C5: variants seen among roughly 807,000 people sequenced by gnomAD.
The protein encoded by C5 is C3 and PZP-like alpha-2-macroglobulin domain-containing protein 4.
In C5, 140 loss-of-function variants were observed where a neutral mutation model predicts 218.8. The ratio of observed to expected loss-of-function variants is 0.64; its 90% confidence interval spans 0.56 to 0.74. C5 has a LOEUF of 0.74. Among genes scored for constraint, C5 ranks in the 30% least tolerant of loss-of-function variants. C5 has a pLI of 0.00. For missense variants in C5, 1,700 were observed against 1,969.6 expected, an observed-to-expected ratio of 0.86 and a Z score of 2.59; for synonymous variants, 614 against 682.3, an observed-to-expected ratio of 0.90 and a Z score of 1.56.
intron 5 of C5, among the ~76,000 whole-genome samples, chr9:121,032,516 T>C (rs1159839886): frequency 2.0e-5 from 3 of 152,234 alleles, no homozygotes; most frequent in Admixed American, 2.0e-4. Flanking sequence ...AGCCTAATTA[T>C]GCTAACATAA....
chr9:120,989,004 T>TTAACTAAAGAATAA, intron 25 of C5, 42 bp downstream of exon 25: 2 of 1,359,630 alleles, frequency 1.5e-6, no homozygotes, highest in Non-Finnish European at 2.1e-6. Context: ...CTTTAGTTAA[T>TTAACTAAAGAATAA]TAACCACTAT....
chr9:120,990,650 G>A (rs971540611), intron 23 of C5, among the ~76,000 whole-genome samples: 8 of 152,190 alleles, frequency 5.3e-5, no homozygotes, highest in African/African-American at 1.9e-4. Flanking sequence ...TGGAAACAGA[G>A]AGCAGCCCTT....
intron 6 of C5, among the ~76,000 whole-genome samples, chr9:121,030,749 T>C (rs1161109409): frequency 6.6e-6 from 1 of 152,246 alleles, no homozygotes; most frequent in African/African-American, 2.4e-5. Context: ...CAATAGGTTA[T>C]TTCTTCCATT....
chr9:121,074,151 T>C, the C5 span, among the ~76,000 whole-genome samples: 7 of 152,112 alleles, frequency 4.6e-5, no homozygotes, highest in Non-Finnish European at 1.0e-4. Flanking sequence ...CAGCCTCTGA[T>C]GGTAACATGG....
At chr9:120,969,241 G>C in intron 32 of C5, 123 bp from the exon 33 acceptor site, 1 of 815,056 alleles carries the variant, frequency 1.2e-6, no homozygotes. Context: ...AAAATGATTT[G>C]TGATTTGGAA....
chr9:121,000,640 A>G (rs2047153659), intron 20 of C5, among the ~76,000 whole-genome samples: 1 of 152,236 alleles, frequency 6.6e-6, no homozygotes, highest in African/African-American at 2.4e-5. Context: ...ACAAAAAACT[A>G]TAAAAGTACT....
intron 5 of C5, among the ~76,000 whole-genome samples, chr9:121,032,859 G>A (rs2047488286): frequency 6.6e-6 from 1 of 152,106 alleles, no homozygotes; most frequent in Non-Finnish European, 1.5e-5. Flanking sequence ...AAATTAGTCT[G>A]GTGTGGTGGT....
At chr9:121,016,470 A>G (rs1441960655) in intron 14 of C5, 87 bp from the exon 15 acceptor site, 2 of 1,520,700 alleles carry the variant, frequency 1.3e-6, no homozygotes, top group African/African-American at 2.7e-5. Context: ...TTACATGGTT[A>G]TCACAAACCA....
intron 33 of C5, among the ~76,000 whole-genome samples, chr9:120,967,579 T>C (rs979326730): frequency 6.6e-6 from 1 of 152,002 alleles, no homozygotes; most frequent in Admixed American, 6.6e-5. Flanking sequence ...TAGAACACAA[T>C]AGAAAGGACT....
chr9:120,963,551 A>C (rs2046843444), intron 34 of C5, 85 bp downstream of exon 34: 1 of 1,040,206 alleles, frequency 9.6e-7, no homozygotes, highest in Non-Finnish European at 1.5e-6. Context: ...TGGTATATTC[A>C]AATGAAAGAA....
intron 39 of C5, among the ~76,000 whole-genome samples, chr9:120,956,286 G>A (rs1375744463): frequency 1.3e-5 from 2 of 151,308 alleles, no homozygotes; most frequent in Non-Finnish European, 2.9e-5. Context: ...AGAGTGAAAC[G>A]TCATTTCAAA....
chr9:120,956,520 C>G (rs1311918539), intron 39 of C5, among the ~76,000 whole-genome samples: 1 of 152,050 alleles, frequency 6.6e-6, no homozygotes, highest in Non-Finnish European at 1.5e-5. Flanking sequence ...AGATTTAATG[C>G]TATTCCTATC....
chr9:121,050,305 T>C, upstream of C5: 3 of 1,297,594 alleles, frequency 2.3e-6, no homozygotes, highest in Non-Finnish European at 3.4e-6. Context: ...TCCTTTTAAA[T>C]AAACTGAACT....
chr9:120,972,423 C>T (rs375661213), intron 30 of C5, among the ~76,000 whole-genome samples: 28 of 152,140 alleles, frequency 1.8e-4, no homozygotes, highest in African/African-American at 6.3e-4. Flanking sequence ...AACTTGAAAG[C>T]GGGTGCATCT....
At chr9:121,042,573 A>G (rs935516077) in intron 3 of C5, among the ~76,000 whole-genome samples, 22 of 152,312 alleles carry the variant, frequency 1.4e-4, no homozygotes, top group African/African-American at 5.1e-4. Flanking sequence ...TATATTTGCA[A>G]TTAAGTCTTA....
chr9:120,981,810 T>A, intron 27 of C5, 34 bp downstream of exon 27: 2 of 1,407,106 alleles, frequency 1.4e-6, no homozygotes, highest in Non-Finnish European at 2.0e-6. Context: ...CAGAAATAGA[T>A]GATGGGTGTG....
At position 120,953,755 on chromosome 9, in the gene C5, G is replaced by A. The variant is rs775519377; in HGVS notation, c.4876C>T (p.Gln1626Ter). 4 of 1,614,024 alleles carry A rather than the reference G, an allele frequency of 2.5e-6. No homozygotes were observed. Among genetic ancestry groups the A allele is most frequent in the South Asian group, 2.2e-5 (2 of 91,072 alleles). Reference sequence around the variant, plus strand: ...CTGAAACTGAAATTGTATTTTATCTGGAGGGCTTCTTTACCCATAATTAAG... The same window carrying A: ...CTGAAACTGAAATTGTATTTTATCTAGAGGGCTTCTTTACCCATAATTAAG... ...QYLIMGKEAL[Q>*]IKYNFSFRYI... Residue 1626 changes from glutamine (Q) to a stop codon, truncating the protein, a stop_gained, in exon 40 of 41, where the codon CAG becomes TAG. Transcript: ENST00000223642. LOFTEE classifies it high-confidence loss of function.
Position 121,030,423 on chromosome 9 carries a change from C to A in C5, c.732G>T (p.Lys244Asn), listed in dbSNP as rs1396273375. The change falls in exon 7 of 41, where the codon AAG becomes AAT. Residue 244 changes from lysine to asparagine, a missense_variant. By Grantham distance (94) the Lys-to-Asn change is moderately conservative. Coordinates refer to ENST00000223642, the MANE Select transcript of C5 (RefSeq NM_001735.3). ...TTGCTTTTATAGTAATTTCAAAATT[C>A]TTAAAGTTCTTGTAACCAATGAAAT... ...EYNFIGYKNF[K>N]NFEITIKARY... 3.9e-6 allele frequency: 6 copies of A among 1,524,506 alleles called. No individual in the cohort carries two copies. Among genetic ancestry groups the A allele is most frequent in the Non-Finnish European group, 5.3e-6 (6 of 1,127,526 alleles). The allele number at this position is 1,524,506 out of a possible 1,614,324, so 94.4% of individuals were successfully genotyped here.
At chr9:121,055,160 G>A (rs1328290774), upstream of C5, among the ~76,000 whole-genome samples, 2 of 151,842 alleles carry the variant, frequency 1.3e-5, no homozygotes, top group Admixed American at 6.6e-5. Context: ...TTATGTCTTC[G>A]CCTGTAACTC....
Sources: allele counts gnomAD v4.1 joint callset (sites outside exome capture counted in the v4.1 genomes callset), GRCh38; gene constraint gnomAD v4.1.1; transcripts MANE v1.5; gene names NCBI Gene and HGNC (gene_info 2026-07-23, HGNC 2026-07-21).